The following GPM6A variants were observed in gnomAD, a reference collection of about 807,000 sequenced individuals.
GPM6A encodes the protein glycoprotein M6A.
GPM6A carries 7 observed loss-of-function variants against 32.1 expected under a neutral mutation model. The ratio of observed to expected loss-of-function variants is 0.22; its 90% CI spans 0.12 to 0.41. The LOEUF is 0.41. Among genes scored for constraint, GPM6A ranks in the 10% least tolerant of loss-of-function variants. The probability of loss-of-function intolerance (pLI) is 1.00; values close to 1 mark genes in which losing one functional copy is unlikely to be tolerated. For missense variants in GPM6A, 235 were observed against 347.2 expected (o/e 0.68, Z 2.57); for synonymous variants, 130 against 123.4 (o/e 1.05, Z -0.35).
At chr4:175,994,089 C>T (rs915604691) in intron 1 of GPM6A, among the ~76,000 whole-genome samples, 1 of 152,148 alleles carries the variant, frequency 6.6e-6, no homozygotes, top group Non-Finnish European at 1.5e-5. Context: ...TAGGTGAAGA[C>T]AGCTGACAGG....
rs199684212 is a variant in GPM6A at position 175,867,497 on chromosome 4, G to GA, written c.-22-55249dup. ...GTACAGTTGTTCCAGCACATTTGTTGAAAAAAAAAATCTTTGCTCCATTAT... is the reference window on the plus strand; with the variant it reads ...GTACAGTTGTTCCAGCACATTTGTTGAAAAAAAAAAATCTTTGCTCCATTAT... On this transcript the variant is annotated intron_variant, in intron 1 of 7. Transcript: ENST00000280187. 5.1e-4 allele frequency among the ~76,000 whole-genome samples: 76 copies of GA among 149,414 alleles called. 1 individual carries two copies. In the East Asian group the frequency reaches 0.011, roughly 22 times the overall value.
At chr4:175,919,445 A>C (rs1263951391) in intron 1 of GPM6A, among the ~76,000 whole-genome samples, 1 of 152,132 alleles carries the variant, frequency 6.6e-6, no homozygotes, top group African/African-American at 2.4e-5. Flanking sequence ...AACATTTCTA[A>C]CTTAAAAATA....
intron 1 of GPM6A, among the ~76,000 whole-genome samples, chr4:175,779,344 T>C (rs1210888616): frequency 6.6e-6 from 1 of 152,232 alleles, no homozygotes; most frequent in Non-Finnish European, 1.5e-5. Flanking sequence ...AGCTTTATAA[T>C]GTATACTAGA....
At chr4:175,667,142 C>A (rs1218437692) in intron 3 of GPM6A, among the ~76,000 whole-genome samples, 3 of 152,044 alleles carry the variant, frequency 2.0e-5, no homozygotes, top group African/African-American at 7.2e-5. Flanking sequence ...AAAATAAATT[C>A]TTTATGTAAT....
intron 1 of GPM6A, among the ~76,000 whole-genome samples, chr4:175,767,487 T>C (rs1404370424): frequency 1.3e-5 from 2 of 152,230 alleles, no homozygotes; most frequent in South Asian, 2.1e-4. Context: ...CGAGAAATCC[T>C]TGATGAATTC....
intron 6 of GPM6A, among the ~76,000 whole-genome samples, chr4:175,637,159 CATATA>C (rs1324729537): frequency 1.6e-4 from 11 of 67,124 alleles, no homozygotes; most frequent in East Asian, 4.8e-4. Context: ...TTATATGTCA[CATATA>C]ATATATCATA....
At chr4:175,750,691 G>T (rs1463639303) in intron 1 of GPM6A, among the ~76,000 whole-genome samples, 1 of 151,790 alleles carries the variant, frequency 6.6e-6, no homozygotes, top group African/African-American at 2.4e-5. Flanking sequence ...TCCAGCCTCA[G>T]CCTCCTGAGT....
intron 1 of GPM6A, among the ~76,000 whole-genome samples, chr4:175,720,398 G>T (rs1349762155): frequency 6.6e-6 from 1 of 152,070 alleles, no homozygotes; most frequent in African/African-American, 2.4e-5. Flanking sequence ...ACTGTGAAGT[G>T]AAAATAAGAA....
intron 2 of GPM6A, among the ~76,000 whole-genome samples, chr4:175,676,821 A>C (rs180881630): frequency 5.8e-4 from 89 of 152,348 alleles, no homozygotes; most frequent in African/African-American, 1.9e-3. Context: ...AGTATCACAA[A>C]AGAGCTAATG....
intron 1 of GPM6A, among the ~76,000 whole-genome samples, chr4:175,775,419 C>T (rs978829893): frequency 1.3e-5 from 2 of 152,078 alleles, no homozygotes; most frequent in Admixed American, 1.3e-4. Flanking sequence ...TCATGCCCAA[C>T]AAAATGGATG....
At chr4:175,942,297 T>C (rs1561004257) in intron 1 of GPM6A, among the ~76,000 whole-genome samples, 1 of 152,194 alleles carries the variant, frequency 6.6e-6, no homozygotes, top group Admixed American at 6.5e-5. Flanking sequence ...GATGGAGAGA[T>C]GGCAAAAATT....
At chr4:175,803,338 A>G (rs1470082340) in intron 1 of GPM6A, among the ~76,000 whole-genome samples, 3 of 152,178 alleles carry the variant, frequency 2.0e-5, no homozygotes, top group Non-Finnish European at 4.4e-5. Flanking sequence ...AAAAAACAGT[A>G]AGATATGCCA....
intron 2 of GPM6A, among the ~76,000 whole-genome samples, chr4:175,688,372 G>T (rs913727779): frequency 2.0e-5 from 3 of 152,132 alleles, no homozygotes; most frequent in African/African-American, 7.2e-5. Flanking sequence ...GTTTATTTTT[G>T]TGTGTGGTGT....
chr4:175,863,730 A>G (rs992846216), intron 1 of GPM6A, among the ~76,000 whole-genome samples: 1 of 152,234 alleles, frequency 6.6e-6, no homozygotes, highest in Admixed American at 6.5e-5. Context: ...GGCCAGGCAC[A>G]GTGGCTCACA....
At chr4:175,739,193 T>C (rs1159397860) in intron 1 of GPM6A, among the ~76,000 whole-genome samples, 1 of 152,190 alleles carries the variant, frequency 6.6e-6, no homozygotes, top group African/African-American at 2.4e-5. Context: ...GCCTGAATTT[T>C]AAAAATTGGT....
At chr4:175,757,970 T>C (rs1345308738) in intron 1 of GPM6A, among the ~76,000 whole-genome samples, 1 of 152,186 alleles carries the variant, frequency 6.6e-6, no homozygotes, top group African/African-American at 2.4e-5. Flanking sequence ...GACATAATTG[T>C]AAATATGTTA....
At chr4:175,809,445 C>T (rs1430524351) in intron 1 of GPM6A, among the ~76,000 whole-genome samples, 2 of 151,344 alleles carry the variant, frequency 1.3e-5, no homozygotes, top group African/African-American at 4.9e-5. Context: ...AAGTAAGTGG[C>T]TTTCATTTAG....
At chr4:175,697,321 C>A (rs17061810) in intron 2 of GPM6A, among the ~76,000 whole-genome samples, 7,167 of 152,196 alleles carry the variant, frequency 0.047, 204 homozygotes, top group Non-Finnish European at 0.063. Context: ...CTACTTCTTA[C>A]TTAGTTTGTC....
At chr4:175,845,141 C>A (rs1736050736) in intron 1 of GPM6A, among the ~76,000 whole-genome samples, 1 of 152,016 alleles carries the variant, frequency 6.6e-6, no homozygotes. Flanking sequence ...TGATAGTAGT[C>A]AATTAAAAAT....
Sources: gnomAD v4.1 joint callset for allele counts (sites outside exome capture counted in the v4.1 genomes callset) on GRCh38, gnomAD v4.1.1 for gene constraint, MANE v1.5 for transcripts, NCBI Gene and HGNC (gene_info 2026-07-23, HGNC 2026-07-21) for gene names.